Variants in MS4A14 observed in about 807,000 individuals in gnomAD.
MS4A14 encodes membrane spanning 4-domains A14, also known as membrane-spanning 4-domains subfamily A member 14.
Under a neutral mutation model 16.7 loss-of-function variants are expected in MS4A14, and 18 were observed. The ratio of observed to expected loss-of-function variants is 1.08; its 90% CI spans 0.75 to 1.60. MS4A14 has a LOEUF of 1.60. Ranked by LOEUF, MS4A14 falls within the 40% of genes most tolerant of loss-of-function variation. MS4A14 has a pLI of 0.00. For synonymous variants in MS4A14, 305 were observed against 289.4 expected, an observed-to-expected ratio of 1.05 and a Z score of -0.55; for missense variants, 812 against 775.3, an observed-to-expected ratio of 1.05 and a Z score of -0.56.
At position 60,416,720 on chromosome 11, in the gene MS4A14, A is replaced by G. The variant is rs1177943932; in HGVS notation, c.1752A>G (p.Gly584=). Residue 584 remains glycine (G), a synonymous_variant, in exon 5 of 5, where the codon GGA becomes GGG. Transcript: ENST00000300187. ...EQYPEGQSKD[G]QVKDQQTDKE... ...ACCCAGAAGGACAATCTAAAGATGG[A>G]CAAGTTAAAGACCAGCAGACTGATA... 1 of 1,613,720 alleles carries G rather than the reference A, an allele frequency of 6.2e-7. No individual in the cohort carries two copies. Among genetic ancestry groups the G allele is most frequent in the Non-Finnish European group, 8.5e-7 (1 of 1,179,876 alleles).
intron 3 of MS4A14, among the ~76,000 whole-genome samples, chr11:60,401,313 T>C (rs1212207062): frequency 6.6e-6 from 1 of 152,180 alleles, no homozygotes; most frequent in African/African-American, 2.4e-5. Flanking sequence ...TTACAAGGCA[T>C]AGAGACATTC....
rs148489703 is a variant in MS4A14 at position 60,416,696 on chromosome 11, C to T, written c.1728C>T (p.Tyr576=). Residue 576 remains tyrosine (Y), a synonymous_variant, in exon 5 of 5, where the codon TAC becomes TAT. Transcript: ENST00000300187. The stretch of plus-strand genomic sequence containing the variant: ...ATCAGCAAGCCAAAGGGGAACAATA[C>T]CCAGAAGGACAATCTAAAGATGGAC... The part of the protein sequence containing the change: ...AEDQQAKGEQ[Y]PEGQSKDGQV... The T allele has an allele frequency of 1.9e-6, 3 of 1,613,572 alleles. No homozygotes were observed. Among genetic ancestry groups the T allele is most frequent in the African/African-American group, 2.7e-5 (2 of 74,866 alleles).
intron 4 of MS4A14, among the ~76,000 whole-genome samples, chr11:60,405,336 C>T (rs968749944): frequency 2.0e-5 from 3 of 152,350 alleles, no homozygotes; most frequent in East Asian, 1.9e-4. Context: ...GCCTTGGCCT[C>T]CCAAAGTGCT....
At chr11:60,404,336 A>G (rs1386731490) in intron 4 of MS4A14, among the ~76,000 whole-genome samples, 1 of 152,224 alleles carries the variant, frequency 6.6e-6, no homozygotes, top group Non-Finnish European at 1.5e-5. Flanking sequence ...AAGAGCCAGA[A>G]CAGTGGGCTT....
At chr11:60,412,307 GTT>G (rs199570061) in intron 4 of MS4A14, among the ~76,000 whole-genome samples, 1 of 144,022 alleles carries the variant, frequency 6.9e-6, no homozygotes, top group Non-Finnish European at 1.5e-5. Context: ...GAGAATAATT[GTT>G]TTTTTTTTTT....
intron 2 of MS4A14, among the ~76,000 whole-genome samples, chr11:60,399,412 G>A (rs142612317): frequency 1.3e-3 from 201 of 152,236 alleles, no homozygotes; most frequent in African/African-American, 4.3e-3. Flanking sequence ...TGAATCTATC[G>A]TGATGGCATA....
intron 1 of MS4A14, 151 bp from the exon 2 acceptor site, chr11:60,397,701 T>C: frequency 1.5e-6 from 1 of 676,462 alleles, no homozygotes; most frequent in Non-Finnish European, 2.4e-6. Context: ...GAACTGAGTC[T>C]CTTAACAATC....
chr11:60,405,825 G>C, intron 4 of MS4A14: 1 of 1,246,026 alleles, frequency 8.0e-7, no homozygotes, highest in Non-Finnish European at 1.1e-6. Flanking sequence ...GGGGTTCTCA[G>C]CTTATATATT....
At chr11:60,409,822 T>G (rs115121978) in intron 4 of MS4A14, among the ~76,000 whole-genome samples, 2,376 of 149,834 alleles carry the variant, frequency 0.016, 58 homozygotes, top group African/African-American at 0.055. Flanking sequence ...TTCTTTCTTT[T>G]TCTTTCTTTC....
chr11:60,406,469 CAACTTA>C (rs1366435126), intron 4 of MS4A14, among the ~76,000 whole-genome samples: 1 of 152,112 alleles, frequency 6.6e-6, no homozygotes, highest in Non-Finnish European at 1.5e-5. Flanking sequence ...CACTGAGCAC[CAACTTA>C]ATCTTAACAA....
At chr11:60,406,568 T>A (rs1244527608) in intron 4 of MS4A14, among the ~76,000 whole-genome samples, 1 of 152,176 alleles carries the variant, frequency 6.6e-6, no homozygotes, top group Non-Finnish European at 1.5e-5. Flanking sequence ...CCACATAACA[T>A]CAGGATTCTG....
At chr11:60,408,111 T>C (rs923936140) in intron 4 of MS4A14, among the ~76,000 whole-genome samples, 8 of 152,192 alleles carry the variant, frequency 5.3e-5, no homozygotes, top group African/African-American at 1.9e-4. Flanking sequence ...CATGGAGATA[T>C]CCAGTTGTTA....
intron 4 of MS4A14, among the ~76,000 whole-genome samples, chr11:60,410,279 G>A (rs2085849255): frequency 6.6e-6 from 1 of 152,130 alleles, no homozygotes; most frequent in Non-Finnish European, 1.5e-5. Context: ...AACTGTTATA[G>A]TCTTGCCTGT....
chr11:60,416,725 T>C lies in MS4A14; in HGVS notation c.1757T>C (p.Val586Ala). The C allele has an allele frequency of 6.2e-7, 1 of 1,613,522 alleles. No homozygotes were observed. Among genetic ancestry groups the C allele is most frequent in the Non-Finnish European group, 8.5e-7 (1 of 1,179,838 alleles). Residue 586 changes from valine (V) to alanine (A), a missense_variant, in exon 5 of 5, where the codon GTT becomes GCT. Coordinates refer to ENST00000300187, the MANE Select transcript of MS4A14 (RefSeq NM_032597.5). ...GAAGGACAATCTAAAGATGGACAAGTTAAAGACCAGCAGACTGATAAGGAG... is the reference window on the plus strand; with the variant it reads ...GAAGGACAATCTAAAGATGGACAAGCTAAAGACCAGCAGACTGATAAGGAG... ...YPEGQSKDGQVKDQQTDKEQN... is the reference protein window; with the variant it reads ...YPEGQSKDGQAKDQQTDKEQN...
At chr11:60,412,241 G>A (rs1194866708) in intron 4 of MS4A14, among the ~76,000 whole-genome samples, 1 of 151,138 alleles carries the variant, frequency 6.6e-6, no homozygotes, top group African/African-American at 2.4e-5. Context: ...GGTAATGGTG[G>A]CCTCATAGAA....
chr11:60,411,035 G>A (rs1322077056), intron 4 of MS4A14, among the ~76,000 whole-genome samples: 3 of 151,900 alleles, frequency 2.0e-5, no homozygotes, highest in Non-Finnish European at 2.9e-5. Context: ...TAGTAGAGAC[G>A]AGGTTTCACC....
intron 4 of MS4A14, among the ~76,000 whole-genome samples, chr11:60,412,103 A>C (rs1440745207): frequency 1.3e-5 from 2 of 151,892 alleles, no homozygotes; most frequent in Non-Finnish European, 2.9e-5. Flanking sequence ...TTTGCTTATC[A>C]ATTTCACTTC....
chr11:60,401,283 C>T (rs73479189), intron 3 of MS4A14, among the ~76,000 whole-genome samples: 2,290 of 152,286 alleles, frequency 0.015, 76 homozygotes, highest in African/African-American at 0.052. Flanking sequence ...TGGTCCTCTG[C>T]CAGTTTCCTC....
intron 3 of MS4A14, among the ~76,000 whole-genome samples, chr11:60,401,886 A>G (rs2135127764): frequency 6.6e-6 from 1 of 152,286 alleles, no homozygotes; most frequent in Middle Eastern, 3.4e-3. Context: ...AAAACCTGGG[A>G]TTGAGGTAAA....
Sources: allele counts gnomAD v4.1 joint callset (sites outside exome capture counted in the v4.1 genomes callset), GRCh38; gene constraint gnomAD v4.1.1; transcripts MANE v1.5; gene names NCBI Gene and HGNC (gene_info 2026-07-23, HGNC 2026-07-21).